Variants in ECE1 observed in about 807,000 individuals in gnomAD.
ECE1 encodes endothelin-converting enzyme 1.
Under a neutral mutation model 98.6 loss-of-function variants are expected in ECE1, and 35 were observed. The observed-to-expected ratio is 0.35, with a 90% CI of 0.27 to 0.47. The LOEUF (loss-of-function observed/expected upper bound fraction) is 0.47. ECE1 is among the 20% of genes least tolerant of loss of function. The pLI, the probability that ECE1 is intolerant of heterozygous loss-of-function variation, is 1.00. For missense variants in ECE1, 814 were observed against 1,025.3 expected (o/e 0.79, Z 2.81); for synonymous variants, 394 against 407.1 (o/e 0.97, Z 0.39).
In ECE1 at chr1:21,228,055, A is replaced by G; in HGVS notation, c.1671-14T>C. ...GTCATGCTCCACCTGCAAGCAACACACATGCAGGAGGTCTCAGCACAGGGC... is the reference window on the plus strand; with the variant it reads ...GTCATGCTCCACCTGCAAGCAACACGCATGCAGGAGGTCTCAGCACAGGGC... On this transcript the variant is annotated splice_polypyrimidine_tract_variant and intron_variant, in intron 14 of 18. Transcript: ENST00000374893. 1 of 1,549,184 alleles carries G rather than the reference A, an allele frequency of 6.5e-7. No individual in the cohort carries two copies. The highest frequency in any genetic ancestry group is 1.4e-5 in the African/African-American group (1 of 73,242).
chr1:21,246,166 T>C (rs1367449949), intron 9 of ECE1, among the ~76,000 whole-genome samples: 1 of 152,178 alleles, frequency 6.6e-6, no homozygotes, highest in African/African-American at 2.4e-5. Context: ...GATAAATTTT[T>C]TTCCCTATTT....
At chr1:21,239,143 T>C (rs999365099) in intron 10 of ECE1, among the ~76,000 whole-genome samples, 30 of 152,256 alleles carry the variant, frequency 2.0e-4, no homozygotes, top group Admixed American at 1.4e-3. Context: ...CACCGCGGGA[T>C]TGCAATGCCT....
chr1:21,289,973 A>C, intron 2 of ECE1, 97 bp downstream of exon 2: 3 of 1,145,826 alleles, frequency 2.6e-6, no homozygotes, highest in East Asian at 3.5e-5. Context: ...AGGGAGGGGA[A>C]GAGGCGGGGT....
chr1:21,222,835 C>T (rs2098169175), intron 17 of ECE1, among the ~76,000 whole-genome samples: 2 of 100,832 alleles, frequency 2.0e-5, no homozygotes, highest in Admixed American at 1.2e-4. Context: ...GAGTGAGACC[C>T]TGTCTCAAAA....
intron 5 of ECE1, among the ~76,000 whole-genome samples, chr1:21,259,170 T>C (rs1255321667): frequency 6.6e-6 from 1 of 152,152 alleles, no homozygotes; most frequent in East Asian, 1.9e-4. Flanking sequence ...TGTGATTATA[T>C]CAAAACATAA....
upstream of ECE1, chr1:21,293,692 C>T (rs1638266404): frequency 6.6e-6 from 1 of 152,178 alleles, no homozygotes; most frequent in Non-Finnish European, 1.5e-5. Flanking sequence ...ACTGAACCCA[C>T]CTCAGACGGG....
upstream of ECE1, among the ~76,000 whole-genome samples, chr1:21,292,833 T>C (rs1468622498): frequency 6.6e-6 from 1 of 152,216 alleles, no homozygotes; most frequent in Non-Finnish European, 1.5e-5. Context: ...GGGAAAGCTC[T>C]GAATTCTGGA....
At chr1:21,223,731 T>G (rs912270962) in intron 17 of ECE1, among the ~76,000 whole-genome samples, 11 of 152,298 alleles carry the variant, frequency 7.2e-5, no homozygotes, top group African/African-American at 2.6e-4. Context: ...CCCAAGGTGC[T>G]GGGATTACAG....
intron 17 of ECE1, among the ~76,000 whole-genome samples, chr1:21,224,771 A>C (rs2098171697): frequency 1.3e-5 from 2 of 152,062 alleles, no homozygotes; most frequent in African/African-American, 4.8e-5. Context: ...CTTCCCAACA[A>C]CCCAATAATG....
chr1:21,321,609 G>GGACT (rs1558432288), intron 1 of ECE1, among the ~76,000 whole-genome samples: 1 of 151,064 alleles, frequency 6.6e-6, no homozygotes, highest in African/African-American at 2.4e-5. Flanking sequence ...CTGTCACACA[G>GGACT]GATTGATTGA....
intron 15 of ECE1, 120 bp downstream of exon 15, chr1:21,227,811 G>A: frequency 1.3e-6 from 1 of 773,862 alleles, no homozygotes. Context: ...CAACATCTCT[G>A]ACATCTGCAA....
intron 1 of ECE1, among the ~76,000 whole-genome samples, chr1:21,309,061 G>T (rs1638660489): frequency 6.6e-6 from 1 of 152,222 alleles, no homozygotes; most frequent in South Asian, 2.1e-4. Flanking sequence ...ACTGGGCCAG[G>T]ACAGCACCTC....
intron 10 of ECE1, 37 bp from the exon 11 acceptor site, chr1:21,238,281 G>GC: frequency 6.5e-7 from 1 of 1,536,746 alleles, no homozygotes; most frequent in Non-Finnish European, 9.0e-7. Context: ...CTGGGCCCCA[G>GC]CCCTTTGTTT....
intron 2 of ECE1, chr1:21,279,736 C>T (rs1407262053): frequency 1.9e-5 from 24 of 1,282,076 alleles, no homozygotes; most frequent in Non-Finnish European, 2.4e-5. Context: ...GGGTCAGGGA[C>T]AAGGGTGACA....
intron 1 of ECE1, among the ~76,000 whole-genome samples, chr1:21,325,784 G>A (rs939680150): frequency 8.5e-5 from 13 of 152,198 alleles, no homozygotes; most frequent in African/African-American, 2.4e-4. Context: ...CCTGCTCCAC[G>A]GAGCAGACAT....
chr1:21,311,449 G>T (rs1439911151), intron 1 of ECE1, among the ~76,000 whole-genome samples: 1 of 146,126 alleles, frequency 6.8e-6, no homozygotes, highest in African/African-American at 2.6e-5. Context: ...GAGGCAGGAG[G>T]ATCGCTTGAG....
intron 1 of ECE1, among the ~76,000 whole-genome samples, chr1:21,313,911 C>T (rs1268358812): frequency 6.6e-6 from 1 of 152,106 alleles, no homozygotes; most frequent in Non-Finnish European, 1.5e-5. Context: ...CGGGTACGAG[C>T]AGCTGGAATG....
chr1:21,310,480 G>A (rs897196625), intron 1 of ECE1, among the ~76,000 whole-genome samples: 3 of 152,146 alleles, frequency 2.0e-5, no homozygotes, highest in African/African-American at 7.2e-5. Flanking sequence ...CTGGTTAATC[G>A]GCTAAACTCA....
At chr1:21,336,138 T>C (rs890239311) in intron 1 of ECE1, among the ~76,000 whole-genome samples, 2 of 152,206 alleles carry the variant, frequency 1.3e-5, no homozygotes, top group Admixed American at 6.5e-5. Flanking sequence ...CCCAGCACCA[T>C]GGAAGGCTAA....
Sources: allele counts gnomAD v4.1 joint callset (sites outside exome capture counted in the v4.1 genomes callset), GRCh38; gene constraint gnomAD v4.1.1; transcripts MANE v1.5; gene names NCBI Gene and HGNC (gene_info 2026-07-23, HGNC 2026-07-21).